NCKAP5: variants seen among roughly 807,000 people sequenced by gnomAD.
The protein encoded by NCKAP5 is NCK associated protein 5.
In NCKAP5, 92 loss-of-function variants were observed where a neutral mutation model predicts 167.0. The observed-to-expected ratio is 0.55, with a 90% CI of 0.47 to 0.66. The LOEUF is 0.66. Among genes scored for constraint, NCKAP5 ranks in the 30% least tolerant of loss-of-function variants. NCKAP5 has a pLI of 0.00. For synonymous variants in NCKAP5, 891 were observed against 877.4 expected, an observed-to-expected ratio of 1.02 and a Z score of -0.27; for missense variants, 2,378 against 2,315.0, an observed-to-expected ratio of 1.03 and a Z score of -0.56.
At chr2:133,654,364 C>T in the NCKAP5 span, among the ~76,000 whole-genome samples, 10 of 143,680 alleles carry the variant, frequency 7.0e-5, no homozygotes, top group East Asian at 4.0e-4. Flanking sequence ...GTTGACAAAG[C>T]GAGACTCTAT....
At chr2:133,225,687 C>T (rs1422649889) in intron 4 of NCKAP5, among the ~76,000 whole-genome samples, 1 of 151,216 alleles carries the variant, frequency 6.6e-6, no homozygotes, top group Non-Finnish European at 1.5e-5. Flanking sequence ...GATCATGGCT[C>T]ACTGCAGCCT....
intron 3 of NCKAP5, among the ~76,000 whole-genome samples, chr2:133,457,168 CAG>C (rs1009355496): frequency 3.9e-5 from 6 of 152,280 alleles, no homozygotes; most frequent in Admixed American, 3.9e-4. Context: ...GGCCTGGAGA[CAG>C]GGGAAATTGG....
At chr2:133,107,397 A>C (rs2081744859) in intron 6 of NCKAP5, among the ~76,000 whole-genome samples, 1 of 152,228 alleles carries the variant, frequency 6.6e-6, no homozygotes, top group Admixed American at 6.5e-5. Flanking sequence ...CATTTTGGAC[A>C]TTTTAATTCG....
the NCKAP5 span, among the ~76,000 whole-genome samples, chr2:133,629,774 TAC>T: frequency 1.3e-5 from 2 of 152,134 alleles, no homozygotes; most frequent in South Asian, 4.1e-4. Context: ...GTGGTACATA[TAC>T]ACCATGGAAT....
Position 133,303,144 on chromosome 2 carries a change from CTA to C in NCKAP5, c.70-36_70-35del. The C allele has an allele frequency of 4.8e-6, 7 of 1,461,006 alleles. 1 individual carries two copies. Among genetic ancestry groups the C allele is most frequent in the Non-Finnish European group, 6.6e-6 (7 of 1,060,570 alleles). The allele number at this position is 1,461,006 out of a possible 1,614,324, so 90.5% of individuals were successfully genotyped here. ...GCAGACAAAGACAGATGAAAACTCA[CTA>C]TGACAGTCCCCACCATCCTAAGACC... On this transcript the variant is annotated intron_variant, in intron 3 of 19. Coordinates refer to ENST00000409261, the MANE Select transcript of NCKAP5 (RefSeq NM_207363.3).
At chr2:133,478,532 G>A (rs1680146734) in intron 3 of NCKAP5, among the ~76,000 whole-genome samples, 2 of 152,112 alleles carry the variant, frequency 1.3e-5, no homozygotes. Flanking sequence ...ACCTCGATAG[G>A]CAGGGCTGTG....
chr2:133,271,514 A>C (rs947639026), intron 4 of NCKAP5, among the ~76,000 whole-genome samples: 2 of 152,142 alleles, frequency 1.3e-5, no homozygotes, highest in African/African-American at 4.8e-5. Context: ...TATAATTCCC[A>C]CCTTACAGGA....
intron 11 of NCKAP5, among the ~76,000 whole-genome samples, chr2:132,846,287 A>T (rs1026024485): frequency 6.6e-6 from 1 of 152,140 alleles, no homozygotes; most frequent in Admixed American, 6.6e-5. Flanking sequence ...ATCTAGGTGA[A>T]CAGTATAACT....
chr2:133,665,293 T>G, the NCKAP5 span, among the ~76,000 whole-genome samples: 1 of 152,226 alleles, frequency 6.6e-6, no homozygotes, highest in Non-Finnish European at 1.5e-5. Context: ...TTTCTAGCTT[T>G]TAATGTTAAG....
chr2:133,092,274 G>C (rs2081210705), intron 6 of NCKAP5, among the ~76,000 whole-genome samples: 1 of 152,180 alleles, frequency 6.6e-6, no homozygotes, highest in African/African-American at 2.4e-5. Flanking sequence ...GTCCTAATAA[G>C]GGGAGGGAGA....
chr2:133,084,140 A>T (rs2149603434), intron 6 of NCKAP5, among the ~76,000 whole-genome samples: 1 of 152,280 alleles, frequency 6.6e-6, no homozygotes, highest in South Asian at 2.1e-4. Context: ...TGGAGAACTC[A>T]CACATTATCC....
intron 17 of NCKAP5, among the ~76,000 whole-genome samples, 154 bp downstream of exon 17, chr2:132,731,583 C>T (rs1384104192): frequency 2.6e-5 from 4 of 152,142 alleles, no homozygotes; most frequent in African/African-American, 9.7e-5. Context: ...TTGTCTTATA[C>T]ACATTGTTTT....
At chr2:132,904,114 C>T (rs982743709) in intron 8 of NCKAP5, among the ~76,000 whole-genome samples, 3 of 151,798 alleles carry the variant, frequency 2.0e-5, no homozygotes, top group Non-Finnish European at 4.4e-5. Flanking sequence ...CAGTGAAACC[C>T]CATCTCTACT....
At chr2:133,053,546 C>T (rs77552117) in intron 6 of NCKAP5, among the ~76,000 whole-genome samples, 10,087 of 152,236 alleles carry the variant, frequency 0.066, 462 homozygotes, top group Non-Finnish European at 0.091. Flanking sequence ...CTTTGTAAAG[C>T]GACCTTCAAA....
At chr2:133,673,376 AAC>A in the NCKAP5 span, among the ~76,000 whole-genome samples, 1 of 152,272 alleles carries the variant, frequency 6.6e-6, no homozygotes, top group Non-Finnish European at 1.5e-5. Context: ...CTGGGCTCAA[AAC>A]ACAGCCACAG....
At chr2:133,084,650 G>C (rs1041230889) in intron 6 of NCKAP5, among the ~76,000 whole-genome samples, 2 of 152,138 alleles carry the variant, frequency 1.3e-5, no homozygotes, top group Non-Finnish European at 2.9e-5. Context: ...GGTTCCAAAA[G>C]TTCAGTCTCA....
intron 16 of NCKAP5, among the ~76,000 whole-genome samples, chr2:132,740,860 A>G (rs1432451041): frequency 6.6e-6 from 1 of 152,064 alleles, no homozygotes; most frequent in African/African-American, 2.4e-5. Context: ...CAATTAAAAA[A>G]GAAAAAAAAA....
intron 4 of NCKAP5, among the ~76,000 whole-genome samples, chr2:133,224,078 A>G (rs2086776334): frequency 1.3e-5 from 2 of 152,190 alleles, no homozygotes; most frequent in Non-Finnish European, 1.5e-5. Flanking sequence ...AATAAAACGT[A>G]GCCCTCTACA....
chr2:133,066,197 G>A (rs1466599360), intron 6 of NCKAP5, among the ~76,000 whole-genome samples: 1 of 152,176 alleles, frequency 6.6e-6, no homozygotes, highest in African/African-American at 2.4e-5. Flanking sequence ...TATGGTGAAA[G>A]ACAAATTAAA....
Sources: gnomAD v4.1 joint callset for allele counts (sites outside exome capture counted in the v4.1 genomes callset) on GRCh38, gnomAD v4.1.1 for gene constraint, MANE v1.5 for transcripts, NCBI Gene and HGNC (gene_info 2026-07-23, HGNC 2026-07-21) for gene names.